The following NALF1 variants were observed in gnomAD, a reference collection of about 807,000 sequenced individuals.
NALF1 encodes the protein family with sequence similarity 155 member A.
In NALF1, 3 loss-of-function variants were observed where a neutral mutation model predicts 48.4. That is an observed-to-expected ratio of 0.06 (90% CI 0.03 to 0.16). The LOEUF is 0.16. Ranked by LOEUF, NALF1 falls within the 10% of genes least tolerant of loss-of-function variation. The pLI is 1.00. For missense variants in NALF1, 526 were observed against 571.5 expected (o/e 0.92, Z 0.81); for synonymous variants, 262 against 245.7 (o/e 1.07, Z -0.62).
At chr13:107,481,841 C>CT (rs1885258817) in intron 1 of NALF1, among the ~76,000 whole-genome samples, 1 of 152,230 alleles carries the variant, frequency 6.6e-6, no homozygotes, top group South Asian at 2.1e-4. Context: ...ATACTGTAGT[C>CT]TTTAAGTGTT....
intron 1 of NALF1, among the ~76,000 whole-genome samples, chr13:107,234,893 T>C (rs1056514798): frequency 1.3e-5 from 2 of 152,114 alleles, no homozygotes; most frequent in African/African-American, 4.8e-5. Flanking sequence ...CAGGCAGACT[T>C]GATGACATGA....
rs1407283297 is a variant in NALF1 at position 107,202,718 on chromosome 13, G to A, written c.1087+7866C>T. On this transcript the variant is annotated intron_variant, in intron 2 of 2. Coordinates refer to ENST00000375915, the MANE Select transcript of NALF1 (RefSeq NM_001080396.3). ...GTTGAGAAATCAGGACATGTTTGTT[G>A]AACAATGAGATTTGCAATGCAAAGA... Among the ~76,000 whole-genome samples the A allele has an allele frequency of 1.3e-5, 2 of 152,082 alleles. 1 individual carries two copies. Among genetic ancestry groups the A allele is most frequent in the South Asian group, 4.1e-4 (2 of 4,830 alleles).
chr13:107,396,021 C>T (rs893187759), intron 1 of NALF1, among the ~76,000 whole-genome samples: 1 of 152,074 alleles, frequency 6.6e-6, no homozygotes, highest in Non-Finnish European at 1.5e-5. Flanking sequence ...GCTGAAACAA[C>T]CAATATTTAT....
At chr13:107,222,015 T>C (rs1368860157) in intron 1 of NALF1, among the ~76,000 whole-genome samples, 2 of 152,226 alleles carry the variant, frequency 1.3e-5, no homozygotes, top group Non-Finnish European at 2.9e-5. Context: ...AACTGTTATG[T>C]GCGTTTTGCT....
chr13:107,505,130 A>T (rs1286747280), intron 1 of NALF1, among the ~76,000 whole-genome samples: 1 of 152,230 alleles, frequency 6.6e-6, no homozygotes, highest in Non-Finnish European at 1.5e-5. Context: ...TTGAGCAGGT[A>T]AAAGTGGAAG....
intron 1 of NALF1, among the ~76,000 whole-genome samples, chr13:107,559,771 C>A (rs1283681974): frequency 6.6e-6 from 1 of 152,094 alleles, no homozygotes; most frequent in South Asian, 2.1e-4. Flanking sequence ...ATTCCCAGTC[C>A]GAGTTTAAAA....
intron 1 of NALF1, among the ~76,000 whole-genome samples, chr13:107,411,307 T>TGG (rs1396104749): frequency 0.014 from 1,959 of 141,236 alleles, 22 homozygotes; most frequent in South Asian, 0.031. Flanking sequence ...TCTTGTTTTT[T>TGG]TTTTTTTTTT....
chr13:107,567,593 T>G (rs1877853216), intron 1 of NALF1, among the ~76,000 whole-genome samples: 1 of 152,226 alleles, frequency 6.6e-6, no homozygotes, highest in Non-Finnish European at 1.5e-5. Flanking sequence ...CTGACATGTC[T>G]AATACCCCTA....
chr13:107,270,710 A>C (rs1457702820), intron 1 of NALF1, among the ~76,000 whole-genome samples: 2 of 152,014 alleles, frequency 1.3e-5, no homozygotes, highest in African/African-American at 4.8e-5. Context: ...CATGTGCACA[A>C]TGTGCAGGTT....
At chr13:107,703,052 G>C (rs1881861936) in intron 1 of NALF1, among the ~76,000 whole-genome samples, 1 of 152,100 alleles carries the variant, frequency 6.6e-6, no homozygotes, top group South Asian at 2.1e-4. Flanking sequence ...ATTCCTTTGG[G>C]TATATACCCA....
chr13:107,442,415 C>G (rs1179639189), intron 1 of NALF1, among the ~76,000 whole-genome samples: 2 of 152,300 alleles, frequency 1.3e-5, no homozygotes, highest in South Asian at 4.1e-4. Flanking sequence ...TCACTTGGCT[C>G]TCTTGTTGTC....
At chr13:107,229,094 C>T (rs902163347) in intron 1 of NALF1, among the ~76,000 whole-genome samples, 1 of 152,074 alleles carries the variant, frequency 6.6e-6, no homozygotes, top group Non-Finnish European at 1.5e-5. Flanking sequence ...TATTGTTGTG[C>T]TTATAGCTTC....
intron 1 of NALF1, among the ~76,000 whole-genome samples, chr13:107,796,934 C>G (rs1294691230): frequency 1.3e-5 from 2 of 152,152 alleles, no homozygotes; most frequent in Non-Finnish European, 2.9e-5. Flanking sequence ...CCCAATACTT[C>G]TGTCATACTC....
At chr13:107,467,956 G>C (rs978574867) in intron 1 of NALF1, among the ~76,000 whole-genome samples, 11 of 151,538 alleles carry the variant, frequency 7.3e-5, no homozygotes, top group Non-Finnish European at 1.3e-4. Context: ...GCTGAGGCAG[G>C]AGAATGGCGT....
At chr13:107,678,117 GA>G (rs1446555721) in intron 1 of NALF1, among the ~76,000 whole-genome samples, 1 of 152,140 alleles carries the variant, frequency 6.6e-6, no homozygotes, top group African/African-American at 2.4e-5. Flanking sequence ...GTGTCAAAAG[GA>G]AAAATTATCC....
At chr13:107,390,809 A>G (rs1375029545) in intron 1 of NALF1, among the ~76,000 whole-genome samples, 1 of 152,028 alleles carries the variant, frequency 6.6e-6, no homozygotes, top group African/African-American at 2.4e-5. Context: ...TAGATACAAT[A>G]GGGTATTTGT....
intron 1 of NALF1, among the ~76,000 whole-genome samples, chr13:107,591,322 A>G (rs1878597292): frequency 6.6e-6 from 1 of 151,998 alleles, no homozygotes; most frequent in African/African-American, 2.4e-5. Flanking sequence ...ACCAAGTTTA[A>G]TACGTATTCT....
At chr13:107,234,726 A>G (rs1224209639) in intron 1 of NALF1, among the ~76,000 whole-genome samples, 1 of 152,134 alleles carries the variant, frequency 6.6e-6, no homozygotes, top group East Asian at 1.9e-4. Flanking sequence ...CAAAACAAAC[A>G]AAACAAAAAA....
chr13:107,690,326 C>T (rs1881538992), intron 1 of NALF1, among the ~76,000 whole-genome samples: 1 of 152,136 alleles, frequency 6.6e-6, no homozygotes, highest in African/African-American at 2.4e-5. Context: ...GTTTTGTTGG[C>T]AGAGAAAGGA....
Sources: allele counts gnomAD v4.1 joint callset (sites outside exome capture counted in the v4.1 genomes callset), GRCh38; gene constraint gnomAD v4.1.1; transcripts MANE v1.5; gene names NCBI Gene and HGNC (gene_info 2026-07-23, HGNC 2026-07-21).